NFE2L1: variants seen among roughly 807,000 people sequenced by gnomAD.
NFE2L1 encodes the protein endoplasmic reticulum membrane sensor NFE2L1.
A neutral mutation model predicts 61.6 loss-of-function variants in NFE2L1; 18 were observed. That is an observed-to-expected ratio of 0.29 (90% CI 0.20 to 0.43). The LOEUF (loss-of-function observed/expected upper bound fraction) is 0.43. Among genes scored for constraint, NFE2L1 ranks in the 20% least tolerant of loss-of-function variants. NFE2L1 has a pLI of 1.00. For synonymous variants in NFE2L1, 419 were observed against 402.7 expected (o/e 1.04, Z -0.48); for missense variants, 827 against 973.5 (o/e 0.85, Z 2.00).
intron 2 of NFE2L1, among the ~76,000 whole-genome samples, chr17:48,052,411 G>T (rs1486039894): frequency 6.6e-6 from 1 of 152,150 alleles, no homozygotes; most frequent in Non-Finnish European, 1.5e-5. Context: ...GGTTTGTATG[G>T]CTCTCGCTTG....
In NFE2L1 at chr17:48,051,570, A is replaced by G. The variant is rs2037252539; in HGVS notation, c.452A>G (p.Glu151Gly). The change falls in exon 2 of 6, where the codon GAA (glutamate) becomes GGA (glycine). Residue 151 changes from glutamate to glycine, a missense_variant. This residue lies in a region of NFE2L1 where 667 missense variants were observed against 748.4 expected (regional missense o/e 0.89). Transcript: ENST00000362042. ...RESETEQGFGEDLEDLGAVAP... is the reference protein window; with the variant it reads ...RESETEQGFGGDLEDLGAVAP... ...AGCGAAACGGAGCAGGGATTCGGTGAAGATTTGGAGGATTTGGGGGCTGTA... is the reference window on the plus strand; with the variant it reads ...AGCGAAACGGAGCAGGGATTCGGTGGAGATTTGGAGGATTTGGGGGCTGTA... 1 of 1,614,070 alleles carries G rather than the reference A, an allele frequency of 6.2e-7. No homozygotes were observed. The highest frequency in any genetic ancestry group is 1.1e-5 in the South Asian group (1 of 91,086).
rs1327754839 is a variant in NFE2L1, at chr17:48,059,436, G to A, written c.2114G>A (p.Arg705His). 1.2e-6 allele frequency: 2 copies of A among 1,614,192 alleles called. No homozygotes were observed. Among genetic ancestry groups the A allele is most frequent in the Non-Finnish European group, 1.7e-6 (2 of 1,180,026 alleles). ...CTGCGGGAGAAAGTGGAGTTCCTGC[G>A]CTCCCTGCGACAGATGAAGCAGAAG... ...RLLREKVEFL[R>H]SLRQMKQKVQ... Residue 705 changes from arginine (R) to histidine (H), a missense_variant, in exon 6 of 6, where the codon CGC becomes CAC. By Grantham distance (29) the Arg-to-His change is conservative. Around this residue, in one of 3 missense-constraint regions of NFE2L1, gnomAD observed 86 missense variants for 97.3 expected, o/e 0.88. Transcript: ENST00000362042. The surrounding 1 kb of genome is among the most constrained non-coding windows in gnomAD (Gnocchi z 6.1).
intron 2 of NFE2L1, chr17:48,054,592 C>T (rs368280294): frequency 1.6e-6 from 2 of 1,217,814 alleles, no homozygotes; most frequent in African/African-American, 1.7e-5. Flanking sequence ...TCAGCAGTGA[C>T]CTGCGGGGTG....
In NFE2L1 at chr17:48,060,941, C is replaced by G. The variant is rs577426443; in HGVS notation, c.*1300C>G. On this transcript the variant is annotated 3_prime_UTR_variant, in exon 6 of 6. Coordinates refer to ENST00000362042, the MANE Select transcript of NFE2L1 (RefSeq NM_003204.3). The stretch of plus-strand genomic sequence containing the variant: ...AATGTTCTCTTTGCCATAAAGACTC[C>G]GTGTAACTGTGTGAACACTTGGGAT... The G allele has an allele frequency of 2.6e-4, 40 of 152,766 alleles. No individual in the cohort carries two copies. Among genetic ancestry groups the G allele is most frequent in the African/African-American group, 8.4e-4 (35 of 41,564 alleles). The allele number at this position is 152,766 out of a possible 1,614,324, so 9.5% of individuals were successfully genotyped here. A position where few individuals can be genotyped will look rare whatever the true frequency, so the allele number is the denominator to read the frequency against.
intron 2 of NFE2L1, chr17:48,056,144 T>C: frequency 1.7e-6 from 1 of 573,620 alleles, no homozygotes. Context: ...ACCCTTATGG[T>C]GATAGTCACA....
In NFE2L1 at chr17:48,059,081, G is replaced by T. The variant is rs201719069; in HGVS notation, c.1759G>T (p.Ala587Ser). Residue 587 changes from alanine (A) to serine (S), a missense_variant, in exon 6 of 6, where the codon GCC (alanine) becomes TCC (serine). Physicochemically the swap from Ala to Ser is moderately conservative, Grantham distance 99. This residue lies in a region of NFE2L1 where 667 missense variants were observed against 748.4 expected (regional missense o/e 0.89). Transcript: ENST00000362042. This position sits in a 1 kb window ranked among gnomAD's most constrained non-coding sequence, Gnocchi z 6.1. ...YNMAPSALDS[A>S]DLPPPSALKK... ...CATGGCACCCAGTGCCCTGGACTCA[G>T]CCGACCTGCCACCACCCAGTGCCCT... 10 of 1,614,036 alleles carry T rather than the reference G, an allele frequency of 6.2e-6. No homozygotes were observed. Among genetic ancestry groups the T allele is most frequent in the Non-Finnish European group, 7.6e-6 (9 of 1,180,022 alleles).
chr17:48,055,090 G>A (rs2037362764), intron 2 of NFE2L1: 1 of 1,461,860 alleles, frequency 6.8e-7, no homozygotes, highest in Non-Finnish European at 9.0e-7. Flanking sequence ...TTAACTCTTT[G>A]CTGGCTGGTC....
rs754333657 is a variant in NFE2L1, at chr17:48,058,382, A to C, written c.1060A>C (p.Asn354His). 6.2e-7 allele frequency: 1 copy of C among 1,614,000 alleles called. No individual in the cohort carries two copies. The highest frequency in any genetic ancestry group is 8.5e-7 in the Non-Finnish European group (1 of 1,179,984). The stretch of plus-strand genomic sequence containing the variant: ...GAGCACCAACTACAGCCTTGCCCCC[A>C]ACACTCCCATCAATCAGAATGTCAG... The part of the protein sequence containing the change: ...PLSTNYSLAP[N>H]TPINQNVSLH... The change falls in exon 6 of 6, where the codon AAC becomes CAC. Residue 354 changes from asparagine (N) to histidine (H), a missense_variant. By Grantham distance (68) the Asn-to-His change is moderately conservative. Around this residue, in one of 3 missense-constraint regions of NFE2L1, gnomAD observed 667 missense variants for 748.4 expected, o/e 0.89. Transcript: ENST00000362042.
At chr17:48,051,881 G>A (rs2037261618) in intron 2 of NFE2L1, among the ~76,000 whole-genome samples, 2 of 152,156 alleles carry the variant, frequency 1.3e-5, no homozygotes, top group African/African-American at 4.8e-5. Flanking sequence ...ACACATGCCA[G>A]GGTGTTTACT....
In NFE2L1 at chr17:48,056,530, G is replaced by C. The variant is rs773623987; in HGVS notation, c.655G>C (p.Glu219Gln). Residue 219 changes from glutamate to glutamine, a missense_variant, in exon 3 of 6, where the codon GAG becomes CAG. Physicochemically the swap from Glu to Gln is conservative, Grantham distance 29. Coordinates refer to ENST00000362042, the MANE Select transcript of NFE2L1 (RefSeq NM_003204.3). ...DGGEQDTWAG[E>Q]GAEALARNLL... ...AGGCGAGCAGGACACCTGGGCAGGC[G>C]AGGGCGCGGAAGCTCTGGCACGGAA... 6.2e-7 allele frequency: 1 copy of C among 1,614,030 alleles called. No homozygotes were observed. The highest frequency in any genetic ancestry group is 1.3e-5 in the African/African-American group (1 of 74,918).
chr17:48,055,738 G>A (rs1363484010), intron 2 of NFE2L1, among the ~76,000 whole-genome samples: 1 of 152,114 alleles, frequency 6.6e-6, no homozygotes, highest in Non-Finnish European at 1.5e-5. Flanking sequence ...TGAGTCTTGA[G>A]GTGAGCCTGG....
rs1598279084 is a variant in NFE2L1 at position 48,050,884 on chromosome 17, G to A, written c.-235G>A. ...GAACAGTTGTACTTTCAGAGGTGAG[G>A]TGTCGAGAAGGGAAAGTGAATGTGG... On this transcript the variant is annotated 5_prime_UTR_variant, in exon 2 of 6. The change creates a new upstream start codon in the 5' untranslated region. Transcript: ENST00000362042. The A allele has an allele frequency of 1.6e-6, 1 of 607,124 alleles. No individual in the cohort carries two copies. The highest frequency in any genetic ancestry group is 2.7e-5 in the East Asian group (1 of 36,496). The allele number at this position is 607,124 out of a possible 1,614,324, so 37.6% of individuals were successfully genotyped here.
chr17:48,049,924 C>T (rs556185074), intron 1 of NFE2L1, among the ~76,000 whole-genome samples: 4 of 152,146 alleles, frequency 2.6e-5, no homozygotes, highest in Non-Finnish European at 5.9e-5. Flanking sequence ...AAATGGGCTT[C>T]TCATGTGAAA....
At chr17:48,054,605 AG>A (rs1237899228) in intron 2 of NFE2L1, 3 of 379,980 alleles carry the variant, frequency 7.9e-6, no homozygotes, top group Admixed American at 3.3e-4. Context: ...GCGGGGTGGG[AG>A]GGGGTGGGGA....
chr17:48,055,063 C>G (rs948862623), intron 2 of NFE2L1: 1 of 1,499,404 alleles, frequency 6.7e-7, no homozygotes, highest in Non-Finnish European at 8.9e-7. Flanking sequence ...GGGGCCATGC[C>G]AAAGGCAGCC....
intron 2 of NFE2L1, among the ~76,000 whole-genome samples, chr17:48,052,441 C>T (rs749242227): frequency 3.9e-5 from 6 of 151,986 alleles, no homozygotes; most frequent in Admixed American, 6.6e-5. Context: ...CTTAAGTAGC[C>T]GGGAAAGAGG....
At position 48,057,054 on chromosome 17, in the gene NFE2L1, C is replaced by T. The variant is rs751455089; in HGVS notation, c.746C>T (p.Thr249Met). Residue 249 changes from threonine (T) to methionine (M), a missense_variant, in exon 4 of 6, where the codon ACG (threonine) becomes ATG (methionine). This residue lies in a region of NFE2L1 where 667 missense variants were observed against 748.4 expected (regional missense o/e 0.89). Transcript: ENST00000362042. ...CAGGTGCCTAGTGGGGAGGACCAGA[C>T]GGCCCTGTCCCTGGAAGAGTGCCTT... ...PAQVPSGEDQ[T>M]ALSLEECLRL... is the part of the protein sequence containing the mutation. 4.6e-5 allele frequency: 74 copies of T among 1,613,796 alleles called. 1 individual carries two copies. Among genetic ancestry groups the T allele is most frequent in the South Asian group, 2.0e-4 (18 of 91,054 alleles).
At chr17:48,054,776 G>A in intron 2 of NFE2L1, 1 of 1,318,172 alleles carries the variant, frequency 7.6e-7, no homozygotes, top group African/African-American at 1.5e-5. Flanking sequence ...GCTCAGGGTG[G>A]GGGCAGCTGG....
chr17:48,055,028 C>G, intron 2 of NFE2L1: 1 of 1,517,870 alleles, frequency 6.6e-7, no homozygotes, highest in South Asian at 1.2e-5. Flanking sequence ...CATGACCCGC[C>G]TGGACCGCAG....
Sources: allele counts gnomAD v4.1 joint callset (sites outside exome capture counted in the v4.1 genomes callset), GRCh38; gene constraint gnomAD v4.1.1; regional missense constraint gnomAD v4.1.1; non-coding constraint Gnocchi (gnomAD v3.1); transcripts MANE v1.5; gene names NCBI Gene and HGNC (gene_info 2026-07-23, HGNC 2026-07-21).